Variants in NEDD4L observed in about 807,000 individuals in gnomAD.
NEDD4L encodes the protein NEDD4 like E3 ubiquitin protein ligase, also known as E3 ubiquitin-protein ligase NEDD4-like.
In NEDD4L, 54 loss-of-function variants were observed where a neutral mutation model predicts 148.9. The ratio of observed to expected loss-of-function variants is 0.36; its 90% CI spans 0.29 to 0.45. NEDD4L has a LOEUF of 0.45. NEDD4L is among the 20% of genes least tolerant of loss of function. The probability of loss-of-function intolerance (pLI) is 1.00; values close to 1 mark genes in which losing one functional copy is unlikely to be tolerated. For missense variants in NEDD4L, 856 were observed against 1,233.8 expected (o/e 0.69, Z 4.59); for synonymous variants, 433 against 440.7 (o/e 0.98, Z 0.22).
intron 5 of NEDD4L, among the ~76,000 whole-genome samples, chr18:58,305,623 T>C (rs2149300670): frequency 6.6e-6 from 1 of 152,382 alleles, no homozygotes; most frequent in East Asian, 1.9e-4. Flanking sequence ...CCATACTCTC[T>C]GCCTAAACGA....
chr18:58,142,195 C>G (rs9807169), intron 1 of NEDD4L, among the ~76,000 whole-genome samples: 48,880 of 145,468 alleles, frequency 0.34, 8,239 homozygotes, highest in Non-Finnish European at 0.37. Flanking sequence ...TACAGGCACC[C>G]GCCACCACGC....
chr18:58,097,150 C>G (rs1405011379), intron 1 of NEDD4L, among the ~76,000 whole-genome samples: 1 of 152,168 alleles, frequency 6.6e-6, no homozygotes, highest in Non-Finnish European at 1.5e-5. Context: ...GTTCGCAAGA[C>G]TTATGACACA....
intron 5 of NEDD4L, among the ~76,000 whole-genome samples, chr18:58,283,908 G>T (rs1043994187): frequency 1.3e-5 from 2 of 152,186 alleles, no homozygotes; most frequent in African/African-American, 4.8e-5. Flanking sequence ...ATAAAAAAGG[G>T]AAAATTTAGG....
intron 13 of NEDD4L, among the ~76,000 whole-genome samples, chr18:58,339,632 A>G (rs1720072998): frequency 6.6e-6 from 1 of 152,190 alleles, no homozygotes; most frequent in Admixed American, 6.5e-5. Flanking sequence ...TAATATCAGC[A>G]GAAAGTTTTC....
At chr18:58,316,673 G>T (rs548821360) in intron 6 of NEDD4L, among the ~76,000 whole-genome samples, 6 of 152,226 alleles carry the variant, frequency 3.9e-5, no homozygotes, top group Admixed American at 1.3e-4. Flanking sequence ...CGGGCATTAG[G>T]GCTGACACCC....
intron 2 of NEDD4L, among the ~76,000 whole-genome samples, chr18:58,177,378 ATATT>A (rs1372176210): frequency 1.3e-5 from 2 of 152,220 alleles, no homozygotes; most frequent in African/African-American, 2.4e-5. Context: ...AATGAGGAAA[ATATT>A]TATTTAACAA....
chr18:58,300,846 T>G (rs938011947), intron 5 of NEDD4L, among the ~76,000 whole-genome samples: 3 of 152,228 alleles, frequency 2.0e-5, no homozygotes, highest in African/African-American at 7.2e-5. Context: ...GATTCTAAAT[T>G]GGAAGTATGT....
chr18:58,276,934 G>T (rs62094558), intron 5 of NEDD4L, among the ~76,000 whole-genome samples: 26,859 of 151,842 alleles, frequency 0.18, 2,486 homozygotes, highest in Non-Finnish European at 0.18. Flanking sequence ...GGAGTGGACC[G>T]TGTCCTGCTG....
At chr18:58,172,602 G>A (rs1272565534) in intron 2 of NEDD4L, among the ~76,000 whole-genome samples, 1 of 152,196 alleles carries the variant, frequency 6.6e-6, no homozygotes, top group Non-Finnish European at 1.5e-5. Context: ...TGTAGAGCTA[G>A]GTATTGAACC....
At chr18:58,173,191 C>T (rs1417438946) in intron 2 of NEDD4L, among the ~76,000 whole-genome samples, 2 of 152,194 alleles carry the variant, frequency 1.3e-5, no homozygotes, top group South Asian at 4.1e-4. Context: ...TTCAATGCAA[C>T]TTTTTAAACC....
rs114727371 is a variant in NEDD4L at position 58,061,139 on chromosome 18, C to T, written c.48+16431C>T. 8.5e-3 allele frequency among the ~76,000 whole-genome samples: 1,295 copies of T among 152,314 alleles called. 26 individuals are homozygous for T. The highest frequency in any genetic ancestry group is 0.03 in the African/African-American group (1,230 of 41,572). On this transcript the variant is annotated intron_variant, in intron 1 of 30. Transcript: ENST00000400345. ...GGTGGAGGCCAGAGATGCAGCAGAA[C>T]ATCTTACACGGCACAGTACAGCTCC...
intron 1 of NEDD4L, among the ~76,000 whole-genome samples, chr18:58,163,740 G>GTGGT (rs2036508833): frequency 6.6e-6 from 1 of 152,214 alleles, no homozygotes; most frequent in Non-Finnish European, 1.5e-5. Flanking sequence ...TTGGGGATAC[G>GTGGT]TGGTTGGATG....
At chr18:58,387,610 T>G (rs953816907) in intron 27 of NEDD4L, 112 bp downstream of exon 27, 1 of 1,162,908 alleles carries the variant, frequency 8.6e-7, no homozygotes, top group Non-Finnish European at 1.2e-6. Flanking sequence ...GAGAGTAACT[T>G]TAGATGAATT....
At chr18:58,292,245 G>C (rs910106331) in intron 5 of NEDD4L, among the ~76,000 whole-genome samples, 2 of 152,170 alleles carry the variant, frequency 1.3e-5, no homozygotes, top group Admixed American at 6.5e-5. Context: ...CACTGACCCT[G>C]AGTGGTCCTT....
chr18:58,131,932 C>A (rs2032215777), intron 1 of NEDD4L, among the ~76,000 whole-genome samples: 1 of 152,276 alleles, frequency 6.6e-6, no homozygotes, highest in African/African-American at 2.4e-5. Flanking sequence ...TCATTTGAGA[C>A]ATGTTCTGAT....
At position 58,364,300 on chromosome 18, in the gene NEDD4L, A is replaced by G; in HGVS notation, c.1800A>G (p.Lys600=). The change falls in exon 20 of 31, where the codon AAA becomes AAG. Residue 600 remains lysine, a synonymous_variant. Transcript: ENST00000400345. ...CTTACTCCAGAGAATTTAAGCAGAA[A>G]TATGACTACTTCAGGAAGAAATTAA... The part of the protein sequence containing the change: ...AVPYSREFKQ[K]YDYFRKKLKK... The G allele has an allele frequency of 1.9e-6, 3 of 1,562,320 alleles. No homozygotes were observed. Among genetic ancestry groups the G allele is most frequent in the Non-Finnish European group, 2.6e-6 (3 of 1,151,224 alleles).
intron 11 of NEDD4L, among the ~76,000 whole-genome samples, chr18:58,332,605 G>A (rs1158748024): frequency 1.5e-4 from 23 of 152,240 alleles, no homozygotes; most frequent in Admixed American, 1.2e-3. Context: ...CCACGATTGC[G>A]CCACTGCACT....
rs188191214 is a variant in NEDD4L, at chr18:58,286,379, A to G, written c.298-29603A>G. Reference sequence around the variant, plus strand: ...GACATTGGAAAAAATTTGTTGTCCTATTCTGAAGGATGAGTCTTATATAAA... The same window carrying G: ...GACATTGGAAAAAATTTGTTGTCCTGTTCTGAAGGATGAGTCTTATATAAA... On this transcript the variant is annotated intron_variant, in intron 5 of 30. Transcript: ENST00000400345. Among the ~76,000 whole-genome samples the G allele has an allele frequency of 2.6e-5, 4 of 152,354 alleles. No homozygotes were observed. In the South Asian group the frequency reaches 6.2e-4, roughly 24 times the overall value.
At chr18:58,177,695 A>G (rs1397815488) in intron 2 of NEDD4L, among the ~76,000 whole-genome samples, 2 of 152,194 alleles carry the variant, frequency 1.3e-5, no homozygotes, top group South Asian at 2.1e-4. Context: ...AAAACGCACA[A>G]TCTTGAATCC....
Sources: gnomAD v4.1 joint callset for allele counts (sites outside exome capture counted in the v4.1 genomes callset) on GRCh38, gnomAD v4.1.1 for gene constraint, MANE v1.5 for transcripts, NCBI Gene and HGNC (gene_info 2026-07-23, HGNC 2026-07-21) for gene names.